Variants in KLF12 observed in about 807,000 individuals in gnomAD.
KLF12 encodes Krueppel-like factor 12.
In KLF12, 9 loss-of-function variants were observed where a neutral mutation model predicts 37.8. The observed-to-expected ratio is 0.24, with a 90% CI of 0.14 to 0.42. The LOEUF (loss-of-function observed/expected upper bound fraction) is 0.42, where lower values mean the gene tolerates loss of function less well. Ranked by LOEUF, KLF12 falls within the 10% of genes least tolerant of loss-of-function variation. The pLI is 1.00. For missense variants in KLF12, 411 were observed against 516.0 expected, an observed-to-expected ratio of 0.80 and a Z score of 1.97; for synonymous variants, 208 against 202.1, an observed-to-expected ratio of 1.03 and a Z score of -0.25.
At chr13:73,897,653 T>C (rs1214278417) in intron 3 of KLF12, among the ~76,000 whole-genome samples, 1 of 152,210 alleles carries the variant, frequency 6.6e-6, no homozygotes, top group Non-Finnish European at 1.5e-5. Context: ...TTCACACCTG[T>C]TACACATCCC....
intron 1 of KLF12, among the ~76,000 whole-genome samples, chr13:74,017,258 T>TAA (rs56321692): frequency 1.5e-4 from 7 of 45,608 alleles, no homozygotes; most frequent in African/African-American, 4.4e-4. Context: ...GCCCTCAACC[T>TAA]AAAAAAAAAA....
chr13:74,089,327 A>T (rs1875509225), intron 1 of KLF12, among the ~76,000 whole-genome samples: 1 of 152,196 alleles, frequency 6.6e-6, no homozygotes, highest in Non-Finnish European at 1.5e-5. Flanking sequence ...TTCTCTTTTT[A>T]ACCCTAAAAG....
chr13:73,976,356 G>A (rs1192342413), intron 2 of KLF12, among the ~76,000 whole-genome samples: 1 of 152,058 alleles, frequency 6.6e-6, no homozygotes, highest in Non-Finnish European at 1.5e-5. Flanking sequence ...CCAAGGAACC[G>A]GTTGCTCAAG....
At chr13:73,970,337 T>C (rs2138098493) in intron 2 of KLF12, among the ~76,000 whole-genome samples, 1 of 152,128 alleles carries the variant, frequency 6.6e-6, no homozygotes, top group African/African-American at 2.4e-5. Flanking sequence ...TCATAAAGCA[T>C]TGTACAAGAA....
At chr13:73,761,239 A>G (rs999152812) in intron 6 of KLF12, among the ~76,000 whole-genome samples, 4 of 152,218 alleles carry the variant, frequency 2.6e-5, no homozygotes, top group African/African-American at 7.2e-5. Context: ...TGTATGCAAG[A>G]AAGAGTGGCA....
intron 4 of KLF12, among the ~76,000 whole-genome samples, chr13:73,829,014 A>G (rs1884003299): frequency 6.6e-6 from 1 of 151,788 alleles, no homozygotes; most frequent in South Asian, 2.1e-4. Context: ...CCGCCACCCA[A>G]CACCACCACC....
intron 3 of KLF12, among the ~76,000 whole-genome samples, chr13:73,867,120 C>T (rs190833914): frequency 4.3e-4 from 66 of 152,170 alleles, no homozygotes; most frequent in Non-Finnish European, 8.2e-4. Context: ...TACAGTACTA[C>T]ATTCTGCAAT....
chr13:73,701,755 C>T (rs8000253), intron 7 of KLF12, among the ~76,000 whole-genome samples: 149,899 of 152,184 alleles, frequency 0.98, 73,860 homozygotes, highest in Middle Eastern at 1. Context: ...TGGTGTATAG[C>T]TTATTAACTT....
At chr13:73,800,364 G>A (rs998949879) in intron 5 of KLF12, 2 of 152,012 alleles carry the variant, frequency 1.3e-5, no homozygotes, top group African/African-American at 2.4e-5. Flanking sequence ...AGAACCACCA[G>A]AATCATCTAG....
intron 2 of KLF12, among the ~76,000 whole-genome samples, chr13:73,948,871 C>T (rs988538385): frequency 1.3e-5 from 2 of 152,190 alleles, no homozygotes; most frequent in Admixed American, 6.5e-5. Flanking sequence ...GTAATTATTT[C>T]AGTTGTCTAC....
chr13:73,943,471 C>T (rs1314699321), intron 3 of KLF12, among the ~76,000 whole-genome samples: 4 of 152,156 alleles, frequency 2.6e-5, no homozygotes, highest in Admixed American at 6.5e-5. Flanking sequence ...ATCTTTCTTT[C>T]GCTTTTAGAA....
At chr13:73,951,479 T>TA (rs1890645612) in intron 2 of KLF12, among the ~76,000 whole-genome samples, 1 of 152,144 alleles carries the variant, frequency 6.6e-6, no homozygotes, top group African/African-American at 2.4e-5. Context: ...CTTCCAGAGA[T>TA]AGAGATCCTC....
At chr13:74,014,640 G>A (rs559427934) in intron 1 of KLF12, among the ~76,000 whole-genome samples, 48 of 152,212 alleles carry the variant, frequency 3.2e-4, no homozygotes, top group South Asian at 1.9e-3. Flanking sequence ...AGCATTGACC[G>A]CAATTGTTAA....
At chr13:74,151,513 T>C in the KLF12 span, among the ~76,000 whole-genome samples, 1 of 151,918 alleles carries the variant, frequency 6.6e-6, no homozygotes, top group South Asian at 2.1e-4. Context: ...ATTAGCTGGG[T>C]GTGGTGGTGC....
chr13:74,041,732 A>ACACACACC (rs1491104377), intron 1 of KLF12, among the ~76,000 whole-genome samples: 2 of 139,628 alleles, frequency 1.4e-5, no homozygotes, highest in East Asian at 2.1e-4. Flanking sequence ...ACACACACAC[A>ACACACACC]CCCCTTCAAA....
At chr13:73,779,869 T>C (rs1001555967) in intron 5 of KLF12, among the ~76,000 whole-genome samples, 3 of 152,242 alleles carry the variant, frequency 2.0e-5, no homozygotes, top group African/African-American at 4.8e-5. Flanking sequence ...ATGGCTGCCA[T>C]AGATAAATTC....
intron 6 of KLF12, among the ~76,000 whole-genome samples, chr13:73,762,094 G>A (rs1340027690): frequency 2.0e-5 from 3 of 152,118 alleles, no homozygotes; most frequent in Admixed American, 2.0e-4. Context: ...TAATATACCC[G>A]CAAGAAGTTC....
rs139314392 is a variant in KLF12, at chr13:73,812,887, C to T, written c.806+265G>A. 234 of 292,360 alleles carry T rather than the reference C, an allele frequency of 8.0e-4. 1 individual carries two copies. In the East Asian group the frequency reaches 9.2e-3, roughly 11 times the overall value. 18.1% of individuals were successfully genotyped at this position (292,360 alleles called of 1,614,324 possible). On this transcript the variant is annotated intron_variant, in intron 5 of 7. Transcript: ENST00000377669. ...AAAAATAACAATTTTTTTTTTTTTG[C>T]AGAGTTCAGGAGAAGGGTGCAGGAG... is the stretch of plus-strand genomic sequence containing the variant.
At chr13:73,769,310 T>C (rs750271533) in intron 5 of KLF12, among the ~76,000 whole-genome samples, 6 of 152,200 alleles carry the variant, frequency 3.9e-5, no homozygotes, top group Admixed American at 6.5e-5. Context: ...CAGCCATCAA[T>C]AGTCTCCATG....
Sources: allele counts gnomAD v4.1 joint callset (sites outside exome capture counted in the v4.1 genomes callset), GRCh38; gene constraint gnomAD v4.1.1; transcripts MANE v1.5; gene names NCBI Gene and HGNC (gene_info 2026-07-23, HGNC 2026-07-21).